The following TDP1 variants were observed in gnomAD, a reference collection of about 807,000 sequenced individuals.
TDP1 encodes the protein tyrosyl-DNA phosphodiesterase 1, also known as tyr-DNA phosphodiesterase 1.
A neutral mutation model predicts 81.5 loss-of-function variants in TDP1; 64 were observed. The observed-to-expected ratio is 0.79, with a 90% CI of 0.64 to 0.97. TDP1 has a LOEUF of 0.97. Among genes scored for constraint, TDP1 ranks in the 50% least tolerant of loss-of-function variants. The pLI is 0.00. For missense variants in TDP1, 723 were observed against 743.8 expected, an observed-to-expected ratio of 0.97 and a Z score of 0.33; for synonymous variants, 256 against 264.3, an observed-to-expected ratio of 0.97 and a Z score of 0.30.
At chr14:89,966,014 T>C (rs1252568905) in intron 3 of TDP1, 133 bp from the exon 4 acceptor site, 3 of 974,716 alleles carry the variant, frequency 3.1e-6, no homozygotes, top group African/African-American at 3.3e-5. Context: ...AGTCTGACTT[T>C]GTAGTAACTG....
At chr14:90,019,543 G>C (rs1885722132) in intron 15 of TDP1, 125 bp downstream of exon 15, 1 of 705,196 alleles carries the variant, frequency 1.4e-6, no homozygotes, top group African/African-American at 1.8e-5. Context: ...CTTACCCAGA[G>C]CCTGCACTCT....
upstream of TDP1, chr14:89,955,353 A>C (rs764417090): frequency 2.6e-5 from 4 of 152,250 alleles, no homozygotes; most frequent in Non-Finnish European, 5.9e-5. Flanking sequence ...TTCCAAGAAT[A>C]AATACCATAA....
At chr14:89,970,831 AT>A (rs1893541652) in intron 5 of TDP1, 34 of 699,138 alleles carry the variant, frequency 4.9e-5, no homozygotes, top group South Asian at 2.6e-4. Context: ...ATTTTAATTA[AT>A]TTATTTATTT....
At chr14:89,984,037 A>G in intron 8 of TDP1, 1 of 822,348 alleles carries the variant, frequency 1.2e-6, no homozygotes, top group Non-Finnish European at 1.5e-6. Flanking sequence ...CACTTTTGGT[A>G]TAGATAACAC....
intron 14 of TDP1, among the ~76,000 whole-genome samples, chr14:90,002,495 C>G (rs1041654279): frequency 6.6e-6 from 1 of 152,040 alleles, no homozygotes; most frequent in Non-Finnish European, 1.5e-5. Context: ...TTCATTAGGC[C>G]TCTTAGGATT....
chr14:90,032,249 G>A (rs532369975), intron 15 of TDP1, among the ~76,000 whole-genome samples: 10 of 152,192 alleles, frequency 6.6e-5, no homozygotes, highest in African/African-American at 9.6e-5. Flanking sequence ...ACCAGCCTCC[G>A]CTTGCTAAGT....
At chr14:90,034,928 GCCT>G (rs1291809446) in intron 16 of TDP1, among the ~76,000 whole-genome samples, 1 of 152,094 alleles carries the variant, frequency 6.6e-6, no homozygotes, top group African/African-American at 2.4e-5. Flanking sequence ...GGTGAACCAA[GCCT>G]CCTCTGTCGC....
At chr14:90,026,144 G>A (rs1043058470) in intron 15 of TDP1, among the ~76,000 whole-genome samples, 3 of 152,192 alleles carry the variant, frequency 2.0e-5, no homozygotes, top group Non-Finnish European at 4.4e-5. Flanking sequence ...AACATGGTGT[G>A]TACCAAAAGT....
chr14:90,037,347 G>A (rs1193520351), intron 16 of TDP1, among the ~76,000 whole-genome samples: 2 of 152,146 alleles, frequency 1.3e-5, no homozygotes, highest in Non-Finnish European at 2.9e-5. Flanking sequence ...TGAGCTAAGG[G>A]TGAAATAAAG....
Position 89,963,500 on chromosome 14 carries a change from A to G in TDP1, c.386A>G (p.Asn129Ser), listed in dbSNP as rs1892579532. 2.5e-6 allele frequency: 4 copies of G among 1,603,378 alleles called. No homozygotes were observed. The highest frequency in any genetic ancestry group is 2.7e-5 in the African/African-American group (2 of 74,432). The change falls in exon 3 of 17, where the codon AAT (asparagine) becomes AGT (serine). Residue 129 changes from asparagine (N) to serine (S), a missense_variant. By Grantham distance (46) the Asn-to-Ser change is conservative (BLOSUM62 1). Coordinates refer to ENST00000335725, the MANE Select transcript of TDP1 (RefSeq NM_018319.4). ...GACGGCACTGCCCAAAGAACTGAAA[A>G]TCATGGCGCTCCCGCCTGCCACAGG... Reference protein sequence around the residue: ...PNDGTAQRTENHGAPACHRLK... With the variant: ...PNDGTAQRTESHGAPACHRLK...
intron 15 of TDP1, among the ~76,000 whole-genome samples, chr14:90,026,826 G>A (rs112409869): frequency 3.9e-5 from 6 of 152,086 alleles, no homozygotes; most frequent in African/African-American, 9.7e-5. Flanking sequence ...TCCATGGTGT[G>A]TATGTGCCAC....
intron 15 of TDP1, among the ~76,000 whole-genome samples, chr14:90,029,794 C>A (rs546882026): frequency 6.6e-6 from 1 of 152,302 alleles, no homozygotes; most frequent in East Asian, 1.9e-4. Context: ...CCATTGTGCC[C>A]GGCCTTGCCA....
At chr14:90,020,354 T>TC (rs1885831396) in intron 15 of TDP1, among the ~76,000 whole-genome samples, 1 of 128,324 alleles carries the variant, frequency 7.8e-6, no homozygotes, top group African/African-American at 3.9e-5. Context: ...CTTCCTCCCT[T>TC]CCTCCCTCCC....
intron 14 of TDP1, among the ~76,000 whole-genome samples, chr14:89,995,548 A>C (rs2140145568): frequency 6.6e-6 from 1 of 152,310 alleles, no homozygotes; most frequent in Non-Finnish European, 1.5e-5. Flanking sequence ...TAAGAAACAT[A>C]ACTTAAATAA....
chr14:90,003,673 T>TA (rs1315973651), intron 14 of TDP1, among the ~76,000 whole-genome samples: 6 of 152,310 alleles, frequency 3.9e-5, no homozygotes, highest in African/African-American at 1.4e-4. Flanking sequence ...GCAAGGTGGG[T>TA]ACCTAACACA....
intron 14 of TDP1, among the ~76,000 whole-genome samples, chr14:89,999,448 T>A (rs1406242662): frequency 6.6e-6 from 1 of 152,228 alleles, no homozygotes; most frequent in Non-Finnish European, 1.5e-5. Flanking sequence ...TTTTAAGAAT[T>A]GGATTTTAGC....
intron 14 of TDP1, among the ~76,000 whole-genome samples, 154 bp downstream of exon 14, chr14:89,993,637 A>G (rs577402153): frequency 2.6e-5 from 4 of 152,322 alleles, no homozygotes; most frequent in African/African-American, 9.6e-5. Flanking sequence ...AAGGCATCCC[A>G]TGACTAATCC....
chr14:89,985,673 G>A (rs569859140), intron 10 of TDP1, among the ~76,000 whole-genome samples: 1 of 152,284 alleles, frequency 6.6e-6, no homozygotes, highest in East Asian at 1.9e-4. Context: ...ACGAAGAAAG[G>A]TCATAAAATA....
intron 14 of TDP1, among the ~76,000 whole-genome samples, chr14:90,000,628 G>A (rs753096342): frequency 3.9e-5 from 6 of 152,038 alleles, no homozygotes; most frequent in South Asian, 2.1e-4. Flanking sequence ...CAGATGATCC[G>A]CCCACCTCGG....
Sources: allele counts gnomAD v4.1 joint callset (sites outside exome capture counted in the v4.1 genomes callset), GRCh38; gene constraint gnomAD v4.1.1; transcripts MANE v1.5; gene names NCBI Gene and HGNC (gene_info 2026-07-23, HGNC 2026-07-21).